The following TENM4 variants were observed in gnomAD, a reference collection of about 807,000 sequenced individuals.
TENM4 encodes the protein teneurin transmembrane protein 4.
Under a neutral mutation model 243.3 loss-of-function variants are expected in TENM4, and 82 were observed. The observed-to-expected ratio is 0.34, with a 90% CI of 0.28 to 0.40. The LOEUF (loss-of-function observed/expected upper bound fraction) is 0.40. Ranked by LOEUF, TENM4 falls within the 10% of genes least tolerant of loss-of-function variation. TENM4 has a pLI of 1.00. For synonymous variants in TENM4, 1,412 were observed against 1,456.3 expected (o/e 0.97, Z 0.69); for missense variants, 3,138 against 3,673.3 (o/e 0.85, Z 3.77).
chr11:78,697,890 G>T (rs1859005795), intron 28 of TENM4, among the ~76,000 whole-genome samples: 1 of 152,162 alleles, frequency 6.6e-6, no homozygotes, highest in Non-Finnish European at 1.5e-5. Flanking sequence ...CATCTGACCA[G>T]GAGCTAAGTC....
chr11:79,126,820 A>G (rs1341172275), intron 4 of TENM4, among the ~76,000 whole-genome samples: 1 of 152,132 alleles, frequency 6.6e-6, no homozygotes, highest in African/African-American at 2.4e-5. Flanking sequence ...TTATCCAGTG[A>G]ATCTTTCTCC....
intron 1 of TENM4, among the ~76,000 whole-genome samples, chr11:79,426,901 T>C (rs1012902568): frequency 6.6e-5 from 10 of 152,198 alleles, no homozygotes; most frequent in African/African-American, 2.4e-4. Flanking sequence ...TCATTCCCCT[T>C]TTCTTCTCTC....
At chr11:78,786,769 C>T in intron 16 of TENM4, 129 bp downstream of exon 16, 2 of 1,325,300 alleles carry the variant, frequency 1.5e-6, no homozygotes, top group African/African-American at 1.4e-5. Context: ...GTCATAATAC[C>T]TCCAGATGAA....
chr11:79,296,132 A>G (rs1416412875), intron 2 of TENM4, among the ~76,000 whole-genome samples: 1 of 152,196 alleles, frequency 6.6e-6, no homozygotes, highest in Non-Finnish European at 1.5e-5. Flanking sequence ...AGGGAACCCT[A>G]GAGCTTCATC....
intron 6 of TENM4, among the ~76,000 whole-genome samples, chr11:78,944,022 T>C (rs1182659281): frequency 6.6e-6 from 1 of 152,178 alleles, no homozygotes; most frequent in African/African-American, 2.4e-5. Flanking sequence ...ATGCCTTATC[T>C]CACAGAGGCC....
At chr11:79,381,964 C>T (rs1028305588) in intron 1 of TENM4, among the ~76,000 whole-genome samples, 2 of 152,110 alleles carry the variant, frequency 1.3e-5, no homozygotes, top group Non-Finnish European at 2.9e-5. Flanking sequence ...CAAGAGGGTC[C>T]AGGCTTTGGT....
intron 1 of TENM4, among the ~76,000 whole-genome samples, chr11:79,370,373 T>C (rs1471546212): frequency 1.3e-5 from 2 of 152,244 alleles, no homozygotes; most frequent in Non-Finnish European, 2.9e-5. Flanking sequence ...AGATGGGGGC[T>C]GCTGGCCGCC....
chr11:78,978,520 G>A (rs1321920421), intron 6 of TENM4, among the ~76,000 whole-genome samples: 2 of 152,104 alleles, frequency 1.3e-5, no homozygotes, highest in Non-Finnish European at 2.9e-5. Flanking sequence ...GTTCATAAGA[G>A]GAGAAGCAGG....
intron 4 of TENM4, among the ~76,000 whole-genome samples, chr11:79,138,649 T>A (rs1199108731): frequency 9.5e-6 from 1 of 104,946 alleles, no homozygotes; most frequent in African/African-American, 4.1e-5. Context: ...TATAAATACA[T>A]AAAACATATA....
intron 1 of TENM4, among the ~76,000 whole-genome samples, chr11:79,298,407 C>T (rs1023819996): frequency 2.7e-5 from 4 of 148,616 alleles, no homozygotes; most frequent in African/African-American, 4.9e-5. Flanking sequence ...CCCAGCTACT[C>T]GGGAGGCTGA....
rs148804156 is a variant in TENM4, at chr11:78,719,875, C to A, written c.3821+495G>T. 2.8e-4 allele frequency among the ~76,000 whole-genome samples: 43 copies of A among 152,304 alleles called. No individual in the cohort carries two copies. In the East Asian group the frequency reaches 8.1e-3, roughly 29 times the overall value. On this transcript the variant is annotated intron_variant, in intron 25 of 33. Coordinates refer to ENST00000278550, the MANE Select transcript of TENM4 (RefSeq NM_001098816.3). ...CTCTGCAGTTGGTTCCTGGAGCCTG[C>A]TTTCTCACTGATGGCAAGCCTTTTG...
At position 79,371,493 on chromosome 11, in the gene TENM4, G is replaced by A. The variant is rs918905002; in HGVS notation, c.-321+69016C>T. On this transcript the variant is annotated intron_variant, in intron 1 of 33. Transcript: ENST00000278550. The stretch of plus-strand genomic sequence containing the variant: ...ATCCTAACAAGCCCTGAAACACAGT[G>A]CTCACCATTGGCTTTAGTTCTCCAA... Among the ~76,000 whole-genome samples, 12 of 152,290 alleles carry A rather than the reference G, an allele frequency of 7.9e-5. 1 individual carries two copies. The highest frequency in any genetic ancestry group is 3.9e-4 in the Admixed American group (6 of 15,292).
intron 6 of TENM4, among the ~76,000 whole-genome samples, chr11:78,954,012 A>G (rs1029623465): frequency 1.3e-5 from 2 of 152,230 alleles, no homozygotes; most frequent in African/African-American, 4.8e-5. Context: ...GGCCTTATAA[A>G]GCAGAGGGAA....
rs199627042 is a variant in TENM4 at position 78,847,738 on chromosome 11, TTATAA to T, written c.1681+6361_1681+6365del. On this transcript the variant is annotated intron_variant, in intron 12 of 33. Transcript: ENST00000278550. ...AATTCTTCATTGCTGTATTTATATC[TTATAA>T]TATAATTCAGAGGAAGGGGACATAA... Among the ~76,000 whole-genome samples, 694 of 152,324 alleles carry T rather than the reference TTATAA, an allele frequency of 4.6e-3. 7 individuals carry two copies. Among genetic ancestry groups the T allele is most frequent in the African/African-American group, 0.016 (667 of 41,576 alleles).
At chr11:79,329,899 A>C (rs1488277870) in intron 1 of TENM4, among the ~76,000 whole-genome samples, 2 of 152,226 alleles carry the variant, frequency 1.3e-5, no homozygotes, top group African/African-American at 4.8e-5. Flanking sequence ...TTTGTAAAAT[A>C]TCTCTCCAGC....
chr11:79,352,554 C>A (rs1202704866), intron 1 of TENM4, among the ~76,000 whole-genome samples: 1 of 152,190 alleles, frequency 6.6e-6, no homozygotes, highest in Non-Finnish European at 1.5e-5. Flanking sequence ...TTGATTTGTG[C>A]CAGTTGCTGA....
intron 18 of TENM4, among the ~76,000 whole-genome samples, chr11:78,759,941 T>C (rs1856394111): frequency 6.6e-6 from 1 of 152,240 alleles, no homozygotes; most frequent in Non-Finnish European, 1.5e-5. Flanking sequence ...GAACTATTTC[T>C]TAAGCAGAGA....
chr11:79,024,970 T>C (rs1859036565), intron 6 of TENM4, among the ~76,000 whole-genome samples: 1 of 152,168 alleles, frequency 6.6e-6, no homozygotes, highest in African/African-American at 2.4e-5. Flanking sequence ...GGGGAAGATG[T>C]TAGGATATGC....
intron 9 of TENM4, among the ~76,000 whole-genome samples, chr11:78,887,475 C>G (rs754433151): frequency 1.2e-4 from 19 of 152,188 alleles, no homozygotes; most frequent in Non-Finnish European, 2.1e-4. Context: ...AGGGTAGTGA[C>G]TATATATTTA....
Sources: gnomAD v4.1 joint callset for allele counts (sites outside exome capture counted in the v4.1 genomes callset) on GRCh38, gnomAD v4.1.1 for gene constraint, MANE v1.5 for transcripts, NCBI Gene and HGNC (gene_info 2026-07-23, HGNC 2026-07-21) for gene names.